CTTNBP2NL: variants seen among roughly 807,000 people sequenced by gnomAD.
CTTNBP2NL encodes CTTNBP2 N-terminal-like protein.
Under a neutral mutation model 32.5 loss-of-function variants are expected in CTTNBP2NL, and 16 were observed. That is an observed-to-expected ratio of 0.49 (90% CI 0.33 to 0.75). The LOEUF is 0.75. CTTNBP2NL is among the 30% of genes least tolerant of loss of function. The pLI, the probability that CTTNBP2NL is intolerant of heterozygous loss-of-function variation, is 0.02. For missense variants in CTTNBP2NL, 645 were observed against 756.0 expected (o/e 0.85, Z 1.72); for synonymous variants, 298 against 289.4 (o/e 1.03, Z -0.30).
chr1:112,412,672 A>G (rs1022790637), intron 2 of CTTNBP2NL, among the ~76,000 whole-genome samples: 1 of 138,280 alleles, frequency 7.2e-6, no homozygotes, highest in Non-Finnish European at 1.5e-5. Flanking sequence ...GCTAGAGTAC[A>G]GTGGCGTGAT....
At chr1:112,453,198 TC>T (rs1227710631) in intron 4 of CTTNBP2NL, among the ~76,000 whole-genome samples, 1 of 151,870 alleles carries the variant, frequency 6.6e-6, no homozygotes, top group East Asian at 2.0e-4. Context: ...CAAGCAATCC[TC>T]CTGCCTCTGC....
At chr1:112,444,917 C>G (rs919054330) in intron 3 of CTTNBP2NL, among the ~76,000 whole-genome samples, 1 of 152,104 alleles carries the variant, frequency 6.6e-6, no homozygotes, top group Non-Finnish European at 1.5e-5. Context: ...TAGTCTGCCC[C>G]CAAATTTACC....
intron 5 of CTTNBP2NL, among the ~76,000 whole-genome samples, chr1:112,455,692 GT>G (rs1204093376): frequency 6.6e-6 from 1 of 152,178 alleles, no homozygotes; most frequent in Non-Finnish European, 1.5e-5. Flanking sequence ...ACAAAGATAC[GT>G]CATATTCCCA....
chr1:112,457,405 G>C lies in CTTNBP2NL; in HGVS notation c.1913G>C (p.Ser638Thr). The change falls in exon 6 of 6, where the codon AGC (serine) becomes ACC (threonine). Residue 638 changes from serine (S) to threonine (T), a missense_variant. Coordinates refer to ENST00000271277, the MANE Select transcript of CTTNBP2NL (RefSeq NM_018704.3). ...GKDVELLLPT[S>T]S ...GATGTTGAGTTACTTTTGCCTACCAGCAGCTAGTCCCTAGGAGGGAGTCTC... is the reference window on the plus strand; with the variant it reads ...GATGTTGAGTTACTTTTGCCTACCACCAGCTAGTCCCTAGGAGGGAGTCTC... 6.2e-7 allele frequency: 1 copy of C among 1,610,052 alleles called. No individual in the cohort carries two copies. The highest frequency in any genetic ancestry group is 1.7e-5 in the Admixed American group (1 of 59,786).
At chr1:112,429,446 A>C (rs1158957683) in intron 3 of CTTNBP2NL, among the ~76,000 whole-genome samples, 1 of 152,216 alleles carries the variant, frequency 6.6e-6, no homozygotes, top group Non-Finnish European at 1.5e-5. Context: ...CAGAAGTTCC[A>C]AGCTCTAATG....
intron 3 of CTTNBP2NL, among the ~76,000 whole-genome samples, chr1:112,430,675 T>A (rs914582821): frequency 6.7e-6 from 1 of 149,718 alleles, no homozygotes; most frequent in Admixed American, 6.7e-5. Flanking sequence ...CGCCTCAGCC[T>A]CCCGAATAGC....
intron 3 of CTTNBP2NL, among the ~76,000 whole-genome samples, chr1:112,441,874 A>G (rs1374594787): frequency 6.6e-6 from 1 of 152,064 alleles, no homozygotes; most frequent in Non-Finnish European, 1.5e-5. Context: ...ATTTTTGTAT[A>G]TGGTATAAGG....
chr1:112,427,078 A>G (rs1477457888), intron 3 of CTTNBP2NL, among the ~76,000 whole-genome samples: 1 of 152,194 alleles, frequency 6.6e-6, no homozygotes, highest in Admixed American at 6.5e-5. Context: ...ACAAAAATAC[A>G]AAGTGTGAAT....
At position 112,456,413 on chromosome 1, in the gene CTTNBP2NL, A is replaced by C. The variant is rs199681812; in HGVS notation, c.921A>C (p.Leu307=). Residue 307 remains leucine, a synonymous_variant, in exon 6 of 6, where the codon CTA becomes CTC. Transcript: ENST00000271277. ...GCACAGCAACTGAGCCTCTCATGCT[A>C]ATGTCTGTGTTTTGCCAAACAGAGA... ...SKGTATEPLM[L]MSVFCQTESF... The C allele has an allele frequency of 1.9e-6, 3 of 1,614,118 alleles. No individual in the cohort carries two copies. Among genetic ancestry groups the C allele is most frequent in the East Asian group, 2.2e-5 (1 of 44,886 alleles).
intron 1 of CTTNBP2NL, among the ~76,000 whole-genome samples, chr1:112,404,286 T>C (rs1050863133): frequency 3.3e-5 from 5 of 152,254 alleles, no homozygotes; most frequent in Admixed American, 3.3e-4. Context: ...TTAAATTTTT[T>C]TTAAGTCAGT....
At chr1:112,402,041 G>A (rs1648519914) in intron 1 of CTTNBP2NL, among the ~76,000 whole-genome samples, 2 of 152,214 alleles carry the variant, frequency 1.3e-5, no homozygotes, top group South Asian at 2.1e-4. Context: ...AGCTTCGGGA[G>A]CATCTGCGTA....
upstream of CTTNBP2NL, among the ~76,000 whole-genome samples, chr1:112,392,406 G>A (rs1353794627): frequency 6.6e-6 from 1 of 152,108 alleles, no homozygotes; most frequent in African/African-American, 2.4e-5. Flanking sequence ...TAAATCATAG[G>A]CTGAAATGAT....
In CTTNBP2NL at chr1:112,456,412, T is replaced by C; in HGVS notation, c.920T>C (p.Leu307Pro). 6.2e-7 allele frequency: 1 copy of C among 1,614,082 alleles called. No homozygotes were observed. The highest frequency in any genetic ancestry group is 8.5e-7 in the Non-Finnish European group (1 of 1,180,022). Residue 307 changes from leucine (L) to proline (P), a missense_variant, in exon 6 of 6, where the codon CTA becomes CCA. By Grantham distance (98) the Leu-to-Pro change is moderately conservative. Transcript: ENST00000271277. Reference protein sequence around the residue: ...SKGTATEPLMLMSVFCQTESF... With the variant: ...SKGTATEPLMPMSVFCQTESF... ...GGCACAGCAACTGAGCCTCTCATGC[T>C]AATGTCTGTGTTTTGCCAAACAGAG...
chr1:112,392,384 A>G (rs1412180047), upstream of CTTNBP2NL, among the ~76,000 whole-genome samples: 1 of 152,226 alleles, frequency 6.6e-6, no homozygotes, highest in Non-Finnish European at 1.5e-5. Context: ...TATCTAGCAT[A>G]TATCATTATA....
intron 3 of CTTNBP2NL, among the ~76,000 whole-genome samples, chr1:112,429,573 C>T (rs1034943494): frequency 8.5e-5 from 13 of 152,278 alleles, no homozygotes; most frequent in African/African-American, 2.6e-4. Context: ...CTAGAAATTT[C>T]TGCTACAGAT....
chr1:112,435,253 G>A (rs562718183), intron 3 of CTTNBP2NL, among the ~76,000 whole-genome samples: 1 of 151,966 alleles, frequency 6.6e-6, no homozygotes, highest in South Asian at 2.1e-4. Flanking sequence ...GTGATAATAG[G>A]AGAATTTATA....
rs367900026 is a variant in CTTNBP2NL, at chr1:112,419,630, T to TA, written c.99+3367dup. Among the ~76,000 whole-genome samples the TA allele has an allele frequency of 1.9e-3, 287 of 152,266 alleles. 2 individuals are homozygous for TA. The highest frequency in any genetic ancestry group is 6.4e-3 in the African/African-American group (268 of 41,554). On this transcript the variant is annotated intron_variant, in intron 3 of 5. Transcript: ENST00000271277. ...CTGCCTTTGGTCACGGCCTTGTACT[T>TA]ATTATGGAAGCAGATTATTATAAAG...
chr1:112,393,476 T>C (rs1648231906), upstream of CTTNBP2NL, among the ~76,000 whole-genome samples: 3 of 152,344 alleles, frequency 2.0e-5, no homozygotes, highest in South Asian at 6.2e-4. Flanking sequence ...ATTAAAATGT[T>C]ATATTTTGTT....
intron 3 of CTTNBP2NL, among the ~76,000 whole-genome samples, chr1:112,434,879 A>G (rs1461271620): frequency 1.3e-5 from 2 of 152,168 alleles, no homozygotes; most frequent in East Asian, 3.9e-4. Context: ...GCAGTGGCTC[A>G]TGCTGGTAAT....
Sources: gnomAD v4.1 joint callset for allele counts (sites outside exome capture counted in the v4.1 genomes callset) on GRCh38, gnomAD v4.1.1 for gene constraint, MANE v1.5 for transcripts, NCBI Gene and HGNC (gene_info 2026-07-23, HGNC 2026-07-21) for gene names.